The following CUBN variants were observed in gnomAD, a reference collection of about 807,000 sequenced individuals.
CUBN encodes the protein cubilin, also known as 460 kDa receptor.
Under a neutral mutation model 405.3 loss-of-function variants are expected in CUBN, and 282 were observed. The observed-to-expected ratio is 0.70, with a 90% CI of 0.63 to 0.77. The LOEUF (loss-of-function observed/expected upper bound fraction) is 0.77. Among genes scored for constraint, CUBN ranks in the 30% least tolerant of loss-of-function variants. The pLI is 0.00. For missense variants in CUBN, 4,514 were observed against 4,475.2 expected (o/e 1.01, Z -0.25); for synonymous variants, 1,684 against 1,617.0 (o/e 1.04, Z -0.99).
intron 48 of CUBN, among the ~76,000 whole-genome samples, chr10:16,908,201 A>G (rs1841611285): frequency 1.3e-5 from 2 of 152,072 alleles, no homozygotes; most frequent in South Asian, 4.1e-4. Flanking sequence ...GCTGGAGTGC[A>G]GCGGTGTGAT....
intron 51 of CUBN, among the ~76,000 whole-genome samples, chr10:16,901,805 G>A (rs982375812): frequency 1.3e-5 from 2 of 148,540 alleles, no homozygotes; most frequent in Non-Finnish European, 3.0e-5. Context: ...GTGAACCGAG[G>A]TCATGCCATT....
At chr10:16,895,185 T>C (rs1316071189) in intron 54 of CUBN, among the ~76,000 whole-genome samples, 2 of 152,206 alleles carry the variant, frequency 1.3e-5, no homozygotes, top group Non-Finnish European at 2.9e-5. Context: ...AGTTTTAATA[T>C]ACTCAAAGAA....
intron 1 of CUBN, 77 bp downstream of exon 1, chr10:17,129,567 G>A: frequency 1.3e-6 from 2 of 1,595,564 alleles, no homozygotes; most frequent in Non-Finnish European, 1.7e-6. Context: ...TTGCACCTTT[G>A]TTTATCTGGC....
chr10:16,840,588 C>T, intron 61 of CUBN, 53 bp from the exon 62 acceptor site: 1 of 1,418,856 alleles, frequency 7.0e-7, no homozygotes, highest in African/African-American at 1.4e-5. Flanking sequence ...TGTCTCATCT[C>T]AGGCAATCTT....
intron 8 of CUBN, 47 bp downstream of exon 8, chr10:17,113,980 T>G (rs1836825437): frequency 1.3e-6 from 2 of 1,595,018 alleles, no homozygotes; most frequent in Non-Finnish European, 1.7e-6. Context: ...TTCTGGCACC[T>G]CGCCAACCTG....
intron 63 of CUBN, among the ~76,000 whole-genome samples, chr10:16,835,549 A>G (rs1000430704): frequency 6.6e-6 from 1 of 151,852 alleles, no homozygotes; most frequent in African/African-American, 2.4e-5. Flanking sequence ...TACCTCCAAG[A>G]CAGAGTTTTG....
chr10:16,940,327 AC>A, intron 36 of CUBN, 90 bp from the exon 37 acceptor site: 1 of 1,193,778 alleles, frequency 8.4e-7, no homozygotes, highest in Non-Finnish European at 1.2e-6. Context: ...TAACCCGTTC[AC>A]TTTTTTAAAC....
At position 16,998,172 on chromosome 10, in the gene CUBN, G is replaced by A. The variant is rs542380428; in HGVS notation, c.4169-7657C>T. Among the ~76,000 whole-genome samples, 18 of 152,170 alleles carry A rather than the reference G, an allele frequency of 1.2e-4. No homozygotes were observed. In the East Asian group the frequency reaches 1.5e-3, roughly 13 times the overall value. On this transcript the variant is annotated intron_variant, in intron 28 of 66. Transcript: ENST00000377833. ...TGTATTGGGTTGAACACTGTCCCCC[G>A]AGACTTATGCCTACCAGGAACCTGT... is the stretch of plus-strand genomic sequence containing the variant.
chr10:17,115,517 C>T lies in CUBN; in HGVS notation c.674G>A (p.Cys225Tyr). Reference protein sequence around the residue: ...DDCEGGSVARCVHGICEDLMR... With the variant: ...DDCEGGSVARYVHGICEDLMR... ...TAAATCCTCACAGATGCCATGGACA[C>T]AGCGTGCCACAGAACCCCCTTCACA... The change falls in exon 7 of 67, where the codon TGT becomes TAT. Residue 225 changes from cysteine to tyrosine, a missense_variant. This residue lies in a region of CUBN where 1,448 missense variants were observed against 1,388.0 expected (regional missense o/e 1.04). Transcript: ENST00000377833. 6.2e-7 allele frequency: 1 copy of T among 1,614,186 alleles called. No individual in the cohort carries two copies. Among genetic ancestry groups the T allele is most frequent in the Non-Finnish European group, 8.5e-7 (1 of 1,180,024 alleles).
At chr10:17,056,577 C>T (rs1835401519) in intron 22 of CUBN, among the ~76,000 whole-genome samples, 1 of 151,950 alleles carries the variant, frequency 6.6e-6, no homozygotes, top group Admixed American at 6.6e-5. Context: ...CCACCGGACT[C>T]CAGCCTGGGC....
intron 6 of CUBN, among the ~76,000 whole-genome samples, chr10:17,119,742 G>A (rs1466469896): frequency 6.6e-6 from 1 of 152,198 alleles, no homozygotes; most frequent in African/African-American, 2.4e-5. Flanking sequence ...ACAGCATGGA[G>A]AAGTGGCGAA....
intron 43 of CUBN, among the ~76,000 whole-genome samples, chr10:16,921,066 T>C (rs7906618): frequency 6.6e-6 from 1 of 151,862 alleles, no homozygotes; most frequent in Non-Finnish European, 1.5e-5. Flanking sequence ...CATTCATTCA[T>C]GGAAATTGAT....
chr10:17,071,788 C>G (rs1450016187), intron 18 of CUBN, 39 bp downstream of exon 18: 2 of 1,600,296 alleles, frequency 1.2e-6, no homozygotes, highest in Middle Eastern at 2.0e-4. Flanking sequence ...ATATTACAAT[C>G]AGGCAAATTA....
chr10:17,117,681 C>T (rs936921398), intron 6 of CUBN, among the ~76,000 whole-genome samples: 18 of 152,184 alleles, frequency 1.2e-4, no homozygotes, highest in East Asian at 3.8e-4. Flanking sequence ...CTGCCCACCT[C>T]GGCCTCCCAA....
intron 59 of CUBN, among the ~76,000 whole-genome samples, chr10:16,865,135 AT>A (rs886108568): frequency 1.3e-5 from 2 of 149,992 alleles, no homozygotes; most frequent in Non-Finnish European, 1.5e-5. Flanking sequence ...TGCCTGGCTA[AT>A]TTTTTGTATT....
chr10:16,950,189 G>T, intron 33 of CUBN, 78 bp from the exon 34 acceptor site: 1 of 938,990 alleles, frequency 1.1e-6, no homozygotes, highest in Non-Finnish European at 1.7e-6. Flanking sequence ...AGACGGGGAG[G>T]TGGGGATGGT....
intron 27 of CUBN, among the ~76,000 whole-genome samples, chr10:17,030,789 G>C (rs2131803477): frequency 6.6e-6 from 1 of 152,054 alleles, no homozygotes; most frequent in Admixed American, 6.5e-5. Flanking sequence ...TGTGGTGGTG[G>C]GTGCCTGTGG....
At position 16,938,988 on chromosome 10, in the gene CUBN, T is replaced by C. The variant is rs762507605; in HGVS notation, c.5708A>G (p.Gln1903Arg). 6.2e-7 allele frequency: 1 copy of C among 1,613,878 alleles called. No individual in the cohort carries two copies. The highest frequency in any genetic ancestry group is 8.5e-7 in the Non-Finnish European group (1 of 1,179,832). Residue 1903 changes from glutamine (Q) to arginine (R), a missense_variant, in exon 38 of 67, where the codon CAA becomes CGA. Coordinates refer to ENST00000377833, the MANE Select transcript of CUBN (RefSeq NM_001081.4). ...RILEMDIEEI[Q>R]NCYYDKLRIY... ...CCTTAATTTGTCATAATAGCAGTTT[T>C]GTATTTCTTCTATGTCCATCTCCAA... is the stretch of plus-strand genomic sequence containing the variant.
At chr10:17,089,611 C>T (rs1156900718) in intron 14 of CUBN, among the ~76,000 whole-genome samples, 2 of 152,160 alleles carry the variant, frequency 1.3e-5, no homozygotes, top group Non-Finnish European at 2.9e-5. Flanking sequence ...ATTGGAGAGG[C>T]TGTGGGGACA....
Sources: gnomAD v4.1 joint callset for allele counts (sites outside exome capture counted in the v4.1 genomes callset) on GRCh38, gnomAD v4.1.1 for gene constraint, gnomAD v4.1.1 regional missense constraint, MANE v1.5 for transcripts, NCBI Gene and HGNC (gene_info 2026-07-23, HGNC 2026-07-21) for gene names.